Variants in AGBL4 observed in about 807,000 individuals in gnomAD.
AGBL4 encodes cytosolic carboxypeptidase 6.
AGBL4 carries 58 observed loss-of-function variants against 66.4 expected under a neutral mutation model. The observed-to-expected ratio is 0.87, with a 90% CI of 0.71 to 1.09. The LOEUF (loss-of-function observed/expected upper bound fraction) is 1.09. AGBL4 is among the 50% of genes least tolerant of loss of function. The probability of loss-of-function intolerance (pLI) is 0.00; values close to 1 mark genes in which losing one functional copy is unlikely to be tolerated. For synonymous variants in AGBL4, 234 were observed against 222.9 expected (o/e 1.05, Z -0.44); for missense variants, 579 against 631.0 (o/e 0.92, Z 0.88).
At chr1:49,156,862 G>A (rs1029926386) in intron 4 of AGBL4, among the ~76,000 whole-genome samples, 3 of 152,088 alleles carry the variant, frequency 2.0e-5, no homozygotes, top group Non-Finnish European at 4.4e-5. Flanking sequence ...TTGAAGGGTA[G>A]CTATGAATAC....
intron 3 of AGBL4, among the ~76,000 whole-genome samples, chr1:49,510,275 C>G (rs1405240826): frequency 6.6e-6 from 1 of 151,958 alleles, no homozygotes; most frequent in African/African-American, 2.4e-5. Flanking sequence ...GATTGCCATT[C>G]TAACTGGTGT....
chr1:49,751,339 A>G (rs115330456), intron 2 of AGBL4, among the ~76,000 whole-genome samples: 8,101 of 151,906 alleles, frequency 0.053, 242 homozygotes, highest in African/African-American at 0.071. Flanking sequence ...TATTGATATA[A>G]TTGTGGTTTT....
chr1:49,040,247 G>C (rs563173232), intron 5 of AGBL4, among the ~76,000 whole-genome samples: 18 of 152,060 alleles, frequency 1.2e-4, no homozygotes, highest in Admixed American at 1.2e-3. Context: ...TTAGTCATAA[G>C]GGCAATACAA....
chr1:49,414,718 T>A (rs1167259), intron 3 of AGBL4, among the ~76,000 whole-genome samples: 4 of 152,250 alleles, frequency 2.6e-5, no homozygotes, highest in Admixed American at 6.5e-5. Context: ...ACACAAAGGC[T>A]AGGTTCAAAT....
chr1:49,925,698 A>T (rs1652695548), intron 1 of AGBL4, among the ~76,000 whole-genome samples: 1 of 152,196 alleles, frequency 6.6e-6, no homozygotes, highest in Non-Finnish European at 1.5e-5. Flanking sequence ...AAGCTGGCTG[A>T]AGAGCCCTTG....
chr1:49,593,762 CTTTG>C (rs916835789), intron 3 of AGBL4, among the ~76,000 whole-genome samples: 18 of 152,118 alleles, frequency 1.2e-4, no homozygotes, highest in African/African-American at 2.4e-4. Context: ...AAGTAAAAAA[CTTTG>C]TTTGTAAATA....
chr1:49,395,835 A>ATATATATATGTG (rs1256165467), intron 3 of AGBL4, among the ~76,000 whole-genome samples: 20 of 79,584 alleles, frequency 2.5e-4, no homozygotes, highest in African/African-American at 1.1e-3. Context: ...ATATGTGTAT[A>ATATATATATGTG]TATATATATA....
intron 11 of AGBL4, among the ~76,000 whole-genome samples, chr1:48,559,409 G>A (rs1644365066): frequency 6.6e-6 from 1 of 151,964 alleles, no homozygotes; most frequent in Non-Finnish European, 1.5e-5. Context: ...AATAAGAAGA[G>A]GATACAGGAT....
At chr1:49,950,157 TACAC>T (rs759678831) in intron 1 of AGBL4, among the ~76,000 whole-genome samples, 1 of 144,948 alleles carries the variant, frequency 6.9e-6, no homozygotes, top group Admixed American at 7.0e-5. Flanking sequence ...TGTATATATA[TACAC>T]ACATATATAT....
chr1:48,881,152 A>G (rs1649744066), intron 5 of AGBL4, among the ~76,000 whole-genome samples: 1 of 152,100 alleles, frequency 6.6e-6, no homozygotes, highest in Admixed American at 6.5e-5. Flanking sequence ...CTTTGTTCAT[A>G]TTGCCACATT....
chr1:49,444,544 T>G (rs1477338310), intron 3 of AGBL4, among the ~76,000 whole-genome samples: 1 of 152,072 alleles, frequency 6.6e-6, no homozygotes, highest in African/African-American at 2.4e-5. Context: ...TTTTCCTTTT[T>G]TTACTGTTCT....
chr1:49,012,230 G>A (rs964593702), intron 5 of AGBL4, among the ~76,000 whole-genome samples: 5 of 152,082 alleles, frequency 3.3e-5, no homozygotes, highest in Non-Finnish European at 7.4e-5. Context: ...GGATAACAGT[G>A]AGCCTGGGTT....
intron 4 of AGBL4, among the ~76,000 whole-genome samples, chr1:49,151,125 C>G (rs886807293): frequency 2.0e-5 from 3 of 151,514 alleles, no homozygotes; most frequent in Middle Eastern, 3.2e-3. Flanking sequence ...AAATATTAGC[C>G]GGGCGTGGCA....
chr1:49,634,807 A>G (rs532636990), intron 3 of AGBL4, among the ~76,000 whole-genome samples: 4 of 152,310 alleles, frequency 2.6e-5, no homozygotes, highest in Admixed American at 1.3e-4. Flanking sequence ...CTAGTAAGAT[A>G]AATTTCTATA....
intron 3 of AGBL4, among the ~76,000 whole-genome samples, chr1:49,552,139 T>C (rs1653007659): frequency 6.6e-6 from 1 of 152,102 alleles, no homozygotes; most frequent in African/African-American, 2.4e-5. Context: ...GAAGGGCCGG[T>C]CTCACTCCCA....
intron 3 of AGBL4, among the ~76,000 whole-genome samples, chr1:49,497,740 A>G (rs1304819625): frequency 1.3e-5 from 2 of 152,016 alleles, no homozygotes; most frequent in African/African-American, 4.8e-5. Context: ...TTCTTGGTCA[A>G]TGTGTCTATT....
At chr1:49,188,884 G>A (rs1479925630) in intron 4 of AGBL4, among the ~76,000 whole-genome samples, 1 of 152,138 alleles carries the variant, frequency 6.6e-6, no homozygotes, top group Non-Finnish European at 1.5e-5. Flanking sequence ...TATCCAAAGA[G>A]TAAAATCAGA....
intron 3 of AGBL4, among the ~76,000 whole-genome samples, chr1:49,444,012 C>G (rs1056443124): frequency 6.6e-6 from 1 of 151,550 alleles, no homozygotes; most frequent in Admixed American, 6.6e-5. Flanking sequence ...ATTTTAATTT[C>G]TTCATTGAAC....
intron 3 of AGBL4, among the ~76,000 whole-genome samples, chr1:49,248,538 C>T (rs1651812390): frequency 6.6e-6 from 1 of 152,112 alleles, no homozygotes; most frequent in African/African-American, 2.4e-5. Context: ...TCTGTTGCCT[C>T]AGAGGAATAA....
Sources: allele counts gnomAD v4.1 joint callset (sites outside exome capture counted in the v4.1 genomes callset), GRCh38; gene constraint gnomAD v4.1.1; transcripts MANE v1.5; gene names NCBI Gene and HGNC (gene_info 2026-07-23, HGNC 2026-07-21).